The following CCDC18 variants were observed in gnomAD, a reference collection of about 807,000 sequenced individuals.
The protein encoded by CCDC18 is coiled-coil domain containing 18.
A neutral mutation model predicts 196.0 loss-of-function variants in CCDC18; 157 were observed. The observed-to-expected ratio is 0.80, with a 90% CI of 0.70 to 0.91. The LOEUF is 0.91. Ranked by LOEUF, CCDC18 falls within the 40% of genes least tolerant of loss-of-function variation. The probability of loss-of-function intolerance (pLI) is 0.00; values close to 1 mark genes in which losing one functional copy is unlikely to be tolerated. For synonymous variants in CCDC18, 482 were observed against 529.2 expected, an observed-to-expected ratio of 0.91 and a Z score of 1.22; for missense variants, 1,465 against 1,611.6, an observed-to-expected ratio of 0.91 and a Z score of 1.56.
chr1:93,255,060 C>A (rs563535529), intron 24 of CCDC18, among the ~76,000 whole-genome samples: 12 of 133,868 alleles, frequency 9.0e-5, no homozygotes, highest in Non-Finnish European at 1.9e-4. Context: ...TCCAGTGATT[C>A]TCCTGCCTCA....
At chr1:93,239,648 C>T in intron 20 of CCDC18, 35 bp from the exon 21 acceptor site, 2 of 1,462,394 alleles carry the variant, frequency 1.4e-6, no homozygotes, top group Non-Finnish European at 1.9e-6. Context: ...AAATGGTTTA[C>T]ATATAGTTAT....
chr1:93,202,140 G>C (rs1189293694), intron 7 of CCDC18, 152 bp downstream of exon 7: 3 of 536,662 alleles, frequency 5.6e-6, no homozygotes, highest in African/African-American at 2.0e-5. Flanking sequence ...GTAAATGTTA[G>C]TTAAGGATGA....
chr1:93,189,137 G>A (rs754696270), intron 4 of CCDC18, among the ~76,000 whole-genome samples: 53 of 151,634 alleles, frequency 3.5e-4, no homozygotes, highest in Non-Finnish European at 7.5e-4. Context: ...TGCCCTTCCC[G>A]GCCTCTGGTA....
At chr1:93,242,104 G>A (rs957973076) in intron 21 of CCDC18, among the ~76,000 whole-genome samples, 1 of 152,166 alleles carries the variant, frequency 6.6e-6, no homozygotes, top group Non-Finnish European at 1.5e-5. Context: ...GTATACAAAT[G>A]TTTACAAAGT....
intron 24 of CCDC18, 110 bp downstream of exon 24, chr1:93,254,724 GT>G: frequency 3.9e-6 from 4 of 1,024,106 alleles, no homozygotes; most frequent in South Asian, 1.4e-5. Flanking sequence ...TGCCATAACT[GT>G]TTTTAGGCTA....
chr1:93,220,850 A>T (rs1188507685), intron 14 of CCDC18, among the ~76,000 whole-genome samples: 1 of 152,136 alleles, frequency 6.6e-6, no homozygotes, highest in Non-Finnish European at 1.5e-5. Flanking sequence ...CTCATCATTC[A>T]GCTCCCACTT....
intron 24 of CCDC18, among the ~76,000 whole-genome samples, chr1:93,255,263 A>G (rs1227202977): frequency 6.6e-6 from 1 of 152,040 alleles, no homozygotes; most frequent in Non-Finnish European, 1.5e-5. Context: ...AGAGTCAGCT[A>G]TTAATAAGAT....
intron 11 of CCDC18, 75 bp downstream of exon 11, chr1:93,212,336 T>C: frequency 9.9e-7 from 1 of 1,009,048 alleles, no homozygotes; most frequent in Non-Finnish European, 1.4e-6. Flanking sequence ...AAAACTTTTA[T>C]TTAAATTTTT....
intron 16 of CCDC18, among the ~76,000 whole-genome samples, chr1:93,222,770 G>A (rs983744195): frequency 3.3e-5 from 5 of 152,148 alleles, no homozygotes; most frequent in South Asian, 2.1e-4. Context: ...CACATACTGA[G>A]TTGCCCGAAG....
chr1:93,247,067 G>A, intron 23 of CCDC18, 113 bp downstream of exon 23: 1 of 554,014 alleles, frequency 1.8e-6, no homozygotes, highest in Non-Finnish European at 3.2e-6. Context: ...TTTGTTTTTT[G>A]TTTTTTTTGG....
chr1:93,227,171 A>G (rs925927423), intron 17 of CCDC18, among the ~76,000 whole-genome samples: 13 of 140,630 alleles, frequency 9.2e-5, no homozygotes, highest in Admixed American at 3.5e-4. Flanking sequence ...CTGCATTGGA[A>G]ACCTTTTTTT....
chr1:93,181,643 TCTCA>T (rs1649714398), intron 1 of CCDC18, among the ~76,000 whole-genome samples: 1 of 151,620 alleles, frequency 6.6e-6, no homozygotes, highest in African/African-American at 2.4e-5. Context: ...TGAGACCGAG[TCTCA>T]CTCTGTCGCC....
At chr1:93,242,265 C>T (rs1660900353) in intron 21 of CCDC18, among the ~76,000 whole-genome samples, 1 of 152,148 alleles carries the variant, frequency 6.6e-6, no homozygotes, top group Non-Finnish European at 1.5e-5. Flanking sequence ...CTCACAGTTC[C>T]ACGTGGCTGG....
At chr1:93,252,045 CTAAT>C (rs1662334443) in intron 23 of CCDC18, among the ~76,000 whole-genome samples, 1 of 151,906 alleles carries the variant, frequency 6.6e-6, no homozygotes, top group Admixed American at 6.6e-5. Flanking sequence ...ATCTATCAAA[CTAAT>C]TAACTAACTA....
intron 2 of CCDC18, 29 bp downstream of exon 2, chr1:93,183,524 C>A: frequency 6.5e-7 from 1 of 1,532,000 alleles, no homozygotes. Flanking sequence ...ATATAGAATT[C>A]ACTGTGCCTT....
chr1:93,213,523 C>T (rs766416234), intron 11 of CCDC18, among the ~76,000 whole-genome samples: 12 of 151,464 alleles, frequency 7.9e-5, no homozygotes, highest in Non-Finnish European at 1.5e-4. Flanking sequence ...TCCCTTTAAG[C>T]GGTGCTTTGG....
intron 24 of CCDC18, among the ~76,000 whole-genome samples, chr1:93,255,067 C>G (rs1321743678): frequency 6.7e-6 from 1 of 148,176 alleles, no homozygotes; most frequent in Non-Finnish European, 1.5e-5. Context: ...ATTCTCCTGC[C>G]TCAGCCTCCC....
At chr1:93,271,940 T>C (rs910360756) in intron 28 of CCDC18, among the ~76,000 whole-genome samples, 32 of 152,318 alleles carry the variant, frequency 2.1e-4, no homozygotes, top group South Asian at 1.4e-3. Flanking sequence ...AACTAATTAC[T>C]TTCTCACTTT....
chr1:93,207,223 G>C lies in CCDC18; in HGVS notation c.1034G>C (p.Ser345Thr). Residue 345 changes from serine (S) to threonine (T), a missense_variant, in exon 9 of 29, where the codon AGT (serine) becomes ACT (threonine). Transcript: ENST00000690025. ...ESRQSILKLESELENKDEILR... is the reference protein window; with the variant it reads ...ESRQSILKLETELENKDEILR... ...AGACAAAGTATTTTGAAGCTAGAGA[G>C]TGAGTTAGAGAACAAAGACGAAATA... 1 of 1,613,338 alleles carries C rather than the reference G, an allele frequency of 6.2e-7. No homozygotes were observed. Among genetic ancestry groups the C allele is most frequent in the Non-Finnish European group, 8.5e-7 (1 of 1,179,430 alleles).
Sources: gnomAD v4.1 joint callset for allele counts (sites outside exome capture counted in the v4.1 genomes callset) on GRCh38, gnomAD v4.1.1 for gene constraint, MANE v1.5 for transcripts, NCBI Gene and HGNC (gene_info 2026-07-23, HGNC 2026-07-21) for gene names.